The following VPS13D variants were observed in gnomAD, a reference collection of about 807,000 sequenced individuals.
VPS13D encodes the protein vacuolar protein sorting 13 homolog D.
A neutral mutation model predicts 461.9 loss-of-function variants in VPS13D; 187 were observed. That is an observed-to-expected ratio of 0.40 (90% CI 0.36 to 0.46). VPS13D has a LOEUF of 0.46. VPS13D is among the 20% of genes least tolerant of loss of function. The pLI, the probability that VPS13D is intolerant of heterozygous loss-of-function variation, is 0.60. For synonymous variants in VPS13D, 1,951 were observed against 1,986.3 expected, an observed-to-expected ratio of 0.98 and a Z score of 0.47; for missense variants, 4,711 against 5,364.9, an observed-to-expected ratio of 0.88 and a Z score of 3.81.
Position 12,502,485 on chromosome 1 carries a change from G to A in VPS13D, c.12795-4368G>A, listed in dbSNP as rs779953170. 6.6e-6 allele frequency among the ~76,000 whole-genome samples: 1 copy of A among 152,078 alleles called. No homozygotes were observed. Among genetic ancestry groups the A allele is most frequent in the Non-Finnish European group, 1.5e-5 (1 of 68,004 alleles). ...CTGAAGAGGGCCTGGCACTCAGAGC[G>A]ACACTGGGCCCAGACATGGAGTCAG... On this transcript the variant is annotated intron_variant, in intron 68 of 69. Coordinates refer to ENST00000620676, the MANE Select transcript of VPS13D (RefSeq NM_015378.4). This position sits in a 1 kb window ranked among gnomAD's most constrained non-coding sequence, Gnocchi z 4.3.
At chr1:12,269,291 G>C (rs902651084) in intron 16 of VPS13D, among the ~76,000 whole-genome samples, 1 of 152,166 alleles carries the variant, frequency 6.6e-6, no homozygotes, top group East Asian at 1.9e-4. Context: ...AGTATGGGGT[G>C]GGGGAGTTCA....
chr1:12,233,232 C>T (rs1033701215), intron 1 of VPS13D, among the ~76,000 whole-genome samples: 3 of 152,192 alleles, frequency 2.0e-5, no homozygotes, highest in Non-Finnish European at 2.9e-5. Flanking sequence ...GTTTGGACTC[C>T]TGACCTCAGG....
chr1:12,424,405 A>G (rs1408020430), intron 65 of VPS13D, among the ~76,000 whole-genome samples: 1 of 152,182 alleles, frequency 6.6e-6, no homozygotes, highest in Non-Finnish European at 1.5e-5. Context: ...TTAGATGCTG[A>G]ATGACTCACC....
At chr1:12,463,256 G>T (rs1016969833) in intron 67 of VPS13D, among the ~76,000 whole-genome samples, 1 of 152,204 alleles carries the variant, frequency 6.6e-6, no homozygotes, top group African/African-American at 2.4e-5. Flanking sequence ...AGTAGTGGGA[G>T]AGTCATGGCA....
intron 37 of VPS13D, 92 bp downstream of exon 37, chr1:12,330,010 A>C: frequency 9.4e-6 from 4 of 423,404 alleles, no homozygotes; most frequent in Non-Finnish European, 1.8e-5. Flanking sequence ...CATGAAGGAA[A>C]GGGCAGGGGT....
At chr1:12,253,666 G>T in intron 6 of VPS13D, 56 bp from the exon 7 acceptor site, 1 of 1,326,154 alleles carries the variant, frequency 7.5e-7, no homozygotes, top group South Asian at 1.2e-5. Flanking sequence ...TTGAATGAAT[G>T]ACATTCACGA....
intron 67 of VPS13D, among the ~76,000 whole-genome samples, chr1:12,478,096 A>G (rs1473622472): frequency 6.6e-6 from 1 of 152,210 alleles, no homozygotes; most frequent in Non-Finnish European, 1.5e-5. Context: ...GGGCCTATAT[A>G]TAGGGGCCCA....
At chr1:12,264,361 G>A (rs79459021) in intron 13 of VPS13D, among the ~76,000 whole-genome samples, 3,479 of 152,342 alleles carry the variant, frequency 0.023, 42 homozygotes, top group Middle Eastern at 0.054. Context: ...TGAGGAAGAC[G>A]TCGAAAGCTG....
At position 12,322,633 on chromosome 1, in the gene VPS13D, T is replaced by G; in HGVS notation, c.7802T>G (p.Val2601Gly). The G allele has an allele frequency of 6.2e-7, 1 of 1,614,238 alleles. No individual in the cohort carries two copies. Among genetic ancestry groups the G allele is most frequent in the Non-Finnish European group, 8.5e-7 (1 of 1,180,026 alleles). The stretch of plus-strand genomic sequence containing the variant: ...ATCCCAGAGCAAGCTAATGCTGCAG[T>G]GCCAGACTCAGTGGCCCTGGAGTCA... Reference protein sequence around the residue: ...KSIPEQANAAVPDSVALESDS... With the variant: ...KSIPEQANAAGPDSVALESDS... Residue 2601 changes from valine to glycine, a missense_variant, in exon 34 of 70, where the codon GTG (valine) becomes GGG (glycine). Coordinates refer to ENST00000620676, the MANE Select transcript of VPS13D (RefSeq NM_015378.4).
In VPS13D at chr1:12,314,327, G is replaced by A. The variant is rs1387998927; in HGVS notation, c.7148G>A (p.Arg2383Lys). ...QGSIQIELHFRSTKDSSCFTV... is the reference protein window; with the variant it reads ...QGSIQIELHFKSTKDSSCFTV... ...TCCATTCAGATTGAACTACATTTCA[G>A]GTAGCAGGTCCAGACCCTTCTCTGC... Residue 2383 changes from arginine (R) to lysine (K), a missense_variant and splice_region_variant, in exon 30 of 70, where the codon AGA becomes AAA. Around this residue, in one of 3 missense-constraint regions of VPS13D, gnomAD observed 4,411 missense variants for 4,937.8 expected, o/e 0.89. Coordinates refer to ENST00000620676, the MANE Select transcript of VPS13D (RefSeq NM_015378.4). 6.2e-7 allele frequency: 1 copy of A among 1,612,042 alleles called. No homozygotes were observed. The highest frequency in any genetic ancestry group is 2.2e-5 in the East Asian group (1 of 44,820).
rs1308700541 is a variant in VPS13D at position 12,510,552 on chromosome 1, T to TGTGC, written c.*1530_*1533dup. The TGTGC allele has an allele frequency of 1.3e-5, 2 of 152,278 alleles. No homozygotes were observed. The highest frequency in any genetic ancestry group is 6.6e-5 in the Admixed American group (1 of 15,210). 9.4% of individuals were successfully genotyped at this position (152,278 alleles called of 1,614,324 possible). A position where few individuals can be genotyped will look rare whatever the true frequency, so the allele number is the denominator to read the frequency against. ...GTGTGTGTGTGTGTGTGTGTGTGTG[T>TGTGC]GTGCGCGCGCGCGCGTGCATGCAGA... On this transcript the variant is annotated 3_prime_UTR_variant, in exon 70 of 70. Coordinates refer to ENST00000620676, the MANE Select transcript of VPS13D (RefSeq NM_015378.4).
At chr1:12,288,155 G>A in intron 21 of VPS13D, 68 bp from the exon 22 acceptor site, 2 of 1,360,462 alleles carry the variant, frequency 1.5e-6, no homozygotes, top group Non-Finnish European at 1.0e-6. Context: ...TGATTGCTCT[G>A]CCGTTTTCCT....
rs1400405162 is a variant in VPS13D, at chr1:12,299,520, G to T, written c.6216+136G>T. 9 of 895,404 alleles carry T rather than the reference G, an allele frequency of 1.0e-5. No individual in the cohort carries two copies. The highest frequency in any genetic ancestry group is 2.4e-5 in the South Asian group (1 of 40,830). The allele number at this position is 895,404 out of a possible 1,614,324, so 55.5% of individuals were successfully genotyped here. On this transcript the variant is annotated intron_variant, in intron 25 of 69. Transcript: ENST00000620676. The surrounding 1 kb of genome is among the most constrained non-coding windows in gnomAD (Gnocchi z 4.2). ...TATGTGGCTTGAAGAATTTTTTTTGGCATTTTATTGATATTTCAGTTAACC... is the reference window on the plus strand; with the variant it reads ...TATGTGGCTTGAAGAATTTTTTTTGTCATTTTATTGATATTTCAGTTAACC...
intron 63 of VPS13D, among the ~76,000 whole-genome samples, chr1:12,406,195 C>A (rs1030385204): frequency 5.6e-4 from 85 of 152,142 alleles, no homozygotes; most frequent in Admixed American, 3.9e-3. Flanking sequence ...GTTAAATTCT[C>A]AGCTTGTGGG....
intron 52 of VPS13D, among the ~76,000 whole-genome samples, 195 bp from the exon 53 acceptor site, chr1:12,368,273 G>GA (rs1644067064): frequency 6.6e-6 from 1 of 152,166 alleles, no homozygotes; most frequent in African/African-American, 2.4e-5. Flanking sequence ...GGGAGAATTA[G>GA]AAAATCACCA....
intron 21 of VPS13D, among the ~76,000 whole-genome samples, chr1:12,287,652 T>C (rs936205308): frequency 2.6e-5 from 4 of 152,236 alleles, no homozygotes; most frequent in Non-Finnish European, 5.9e-5. Context: ...AATTACAATA[T>C]TGCATTATGA....
intron 60 of VPS13D, among the ~76,000 whole-genome samples, chr1:12,394,191 C>G (rs1644465764): frequency 6.6e-6 from 1 of 152,130 alleles, no homozygotes; most frequent in African/African-American, 2.4e-5. Context: ...GGTCTGTAAA[C>G]TGGCTCAAGT....
chr1:12,432,483 G>A (rs960418105), intron 65 of VPS13D, among the ~76,000 whole-genome samples: 3 of 152,048 alleles, frequency 2.0e-5, no homozygotes, highest in Admixed American at 2.0e-4. Context: ...ACCTCTCAGT[G>A]GACACTGAAA....
At chr1:12,285,652 T>C (rs1641944530) in intron 21 of VPS13D, among the ~76,000 whole-genome samples, 1 of 152,182 alleles carries the variant, frequency 6.6e-6, no homozygotes, top group Non-Finnish European at 1.5e-5. Context: ...TCAGTATTTA[T>C]TTCTAAAAAA....
Sources: gnomAD v4.1 joint callset for allele counts (sites outside exome capture counted in the v4.1 genomes callset) on GRCh38, gnomAD v4.1.1 for gene constraint, gnomAD v4.1.1 regional missense constraint, Gnocchi (gnomAD v3.1) non-coding constraint, MANE v1.5 for transcripts, NCBI Gene and HGNC (gene_info 2026-07-23, HGNC 2026-07-21) for gene names.